EDA: variants seen among roughly 807,000 people sequenced by gnomAD.
EDA encodes ectodysplasin A.
EDA carries 2 observed loss-of-function variants against 23.6 expected under a neutral mutation model. The ratio of observed to expected loss-of-function variants is 0.08; its 90% CI spans 0.03 to 0.27. EDA has a LOEUF of 0.27. EDA is among the 10% of genes least tolerant of loss of function. EDA has a pLI of 1.00. For synonymous variants in EDA, 131 were observed against 132.0 expected, an observed-to-expected ratio of 0.99 and a Z score of 0.05; for missense variants, 229 against 324.2, an observed-to-expected ratio of 0.71 and a Z score of 2.26.
intron 1 of EDA, among the ~76,000 whole-genome samples, chrX:69,665,021 G>T (rs1933636572): frequency 9.0e-6 from 1 of 111,669 alleles, no homozygotes; most frequent in Admixed American, 9.5e-5. Context: ...GTGTGAAGTG[G>T]TATCTCATAG....
At chrX:69,769,281 G>T (rs1233120474) in intron 1 of EDA, among the ~76,000 whole-genome samples, 1 of 111,728 alleles carries the variant, frequency 9.0e-6, no homozygotes, top group Non-Finnish European at 1.9e-5. Flanking sequence ...TGAAATCTCT[G>T]AATATAATTG....
intron 2 of EDA, among the ~76,000 whole-genome samples, chrX:69,976,318 A>G (rs1328258525): frequency 2.7e-5 from 3 of 111,255 alleles, no homozygotes; most frequent in Non-Finnish European, 5.7e-5. Context: ...TTCTGACACC[A>G]GAGAGGCAAC....
At position 69,676,484 on chromosome X, in the gene EDA, C is replaced by CTGTGTG. The variant is rs372593855; in HGVS notation, c.396+59793_396+59798dup. Among the ~76,000 whole-genome samples the CTGTGTG allele has an allele frequency of 8.1e-3, 863 of 106,375 alleles. 4 individuals are homozygous for CTGTGTG. The highest frequency in any genetic ancestry group is 0.011 in the African/African-American group (304 of 28,759). 92.4% of individuals were successfully genotyped at this position (106,375 alleles called of 115,157 possible). On this transcript the variant is annotated intron_variant, in intron 1 of 7. Coordinates refer to ENST00000374552, the MANE Select transcript of EDA (RefSeq NM_001399.5). ...GCCTCAAATGGAAGAATGAGTTTTTCTGTGTGTGTGTGTGTGTGCGCGCGC... is the reference window on the plus strand; with the variant it reads ...GCCTCAAATGGAAGAATGAGTTTTTCTGTGTGTGTGTGTGTGTGTGTGTGCGCGCGC...
intron 1 of EDA, among the ~76,000 whole-genome samples, chrX:69,830,578 A>T (rs2147538780): frequency 8.9e-6 from 1 of 112,210 alleles, no homozygotes; most frequent in East Asian, 2.8e-4. Context: ...AAATCAAAAA[A>T]AAGAAATTTA....
At chrX:69,976,773 G>C (rs941852382) in intron 2 of EDA, among the ~76,000 whole-genome samples, 2 of 108,542 alleles carry the variant, frequency 1.8e-5, no homozygotes, top group Non-Finnish European at 3.8e-5. Context: ...GGGGAGGGGG[G>C]GTGGAAAAGG....
chrX:69,787,453 C>T (rs2015232093), intron 1 of EDA, among the ~76,000 whole-genome samples: 1 of 105,246 alleles, frequency 9.5e-6, no homozygotes, highest in Non-Finnish European at 2.0e-5. Context: ...CCATGTTTAG[C>T]ACTTCCTTCA....
At chrX:69,718,305 G>A (rs1261473518) in intron 1 of EDA, among the ~76,000 whole-genome samples, 1 of 108,218 alleles carries the variant, frequency 9.2e-6, no homozygotes, top group Non-Finnish European at 1.9e-5. Flanking sequence ...TTTTTTTCTT[G>A]TCTTATTGCA....
At chrX:69,992,113 A>G (rs916390681) in intron 2 of EDA, among the ~76,000 whole-genome samples, 1 of 110,537 alleles carries the variant, frequency 9.0e-6, no homozygotes, top group African/African-American at 3.3e-5. Context: ...TATTTTTTTC[A>G]TTTTTGTCTA....
chrX:69,873,907 A>G (rs1417223309), intron 1 of EDA, among the ~76,000 whole-genome samples: 1 of 112,267 alleles, frequency 8.9e-6, no homozygotes, highest in African/African-American at 3.2e-5. Context: ...TATCCCTGAT[A>G]GATGCAAAAA....
At chrX:69,821,202 C>A (rs148516136) in intron 1 of EDA, among the ~76,000 whole-genome samples, 2 of 98,454 alleles carry the variant, frequency 2.0e-5, no homozygotes, top group Non-Finnish European at 4.0e-5. Context: ...GATGAGAACA[C>A]ATAGACACAT....
chrX:69,927,658 G>A (rs1181627972), intron 1 of EDA, among the ~76,000 whole-genome samples: 1 of 111,043 alleles, frequency 9.0e-6, no homozygotes, highest in South Asian at 3.8e-4. Context: ...GAGTATCTTA[G>A]TGGTGCCCTC....
In EDA at chrX:69,970,949, C is replaced by T. The variant is rs181771859; in HGVS notation, c.502+13817C>T. On this transcript the variant is annotated intron_variant, in intron 2 of 7. Transcript: ENST00000374552. ...GTGTTCAAGCCAACTCTATAAATGCCGTCTTAAAGATTATATAATGTATTC... is the reference window on the plus strand; with the variant it reads ...GTGTTCAAGCCAACTCTATAAATGCTGTCTTAAAGATTATATAATGTATTC... 1.2e-4 allele frequency among the ~76,000 whole-genome samples: 13 copies of T among 111,186 alleles called. No homozygotes were observed. The East Asian group carries it at 3.4e-3, about 29-fold the overall frequency.
At chrX:69,822,942 C>T (rs1431122566) in intron 1 of EDA, among the ~76,000 whole-genome samples, 2 of 94,925 alleles carry the variant, frequency 2.1e-5, no homozygotes, top group Middle Eastern at 4.7e-3. Context: ...TGAGAATATG[C>T]GGTGTTTTGT....
At chrX:70,016,551 A>G (rs2019953123) in intron 2 of EDA, among the ~76,000 whole-genome samples, 1 of 112,354 alleles carries the variant, frequency 8.9e-6, no homozygotes, top group Admixed American at 9.4e-5. Flanking sequence ...CTGTCAAACC[A>G]CAGCACAATA....
At chrX:69,788,201 T>C (rs2015264936) in intron 1 of EDA, among the ~76,000 whole-genome samples, 1 of 111,696 alleles carries the variant, frequency 9.0e-6, no homozygotes, top group South Asian at 3.8e-4. Context: ...TTCTAAATTG[T>C]TTTCAAAGTT....
At chrX:69,931,706 A>G (rs762471373) in intron 1 of EDA, among the ~76,000 whole-genome samples, 33 of 112,003 alleles carry the variant, frequency 2.9e-4, no homozygotes, top group African/African-American at 1.1e-3. Context: ...TTTGATGAGG[A>G]TATGAGAACC....
intron 1 of EDA, among the ~76,000 whole-genome samples, chrX:69,857,169 A>T (rs1450311161): frequency 8.9e-6 from 1 of 111,877 alleles, no homozygotes; most frequent in African/African-American, 3.2e-5. Flanking sequence ...TTTGTCGAAG[A>T]TCAGTTGGCT....
chrX:69,656,256 G>A (rs2147249721), intron 1 of EDA, among the ~76,000 whole-genome samples: 1 of 111,111 alleles, frequency 9.0e-6, no homozygotes, highest in East Asian at 2.9e-4. Context: ...CTAATCTTCA[G>A]AAATCTCTGT....
chrX:69,678,348 A>T (rs1287941975), intron 1 of EDA, among the ~76,000 whole-genome samples: 1 of 111,213 alleles, frequency 9.0e-6, no homozygotes, highest in Non-Finnish European at 1.9e-5. Context: ...GTTTTTTCCA[A>T]TACTGTGAAG....
Sources: gnomAD v4.1 joint callset for allele counts (sites outside exome capture counted in the v4.1 genomes callset) on GRCh38, gnomAD v4.1.1 for gene constraint, MANE v1.5 for transcripts, NCBI Gene and HGNC (gene_info 2026-07-23, HGNC 2026-07-21) for gene names.